RANBP2: variants seen among roughly 807,000 people sequenced by gnomAD.
The protein encoded by RANBP2 is RAN binding protein 2.
Under a neutral mutation model 303.6 loss-of-function variants are expected in RANBP2, and 57 were observed. The observed-to-expected ratio is 0.19, with a 90% CI of 0.15 to 0.23. The LOEUF (loss-of-function observed/expected upper bound fraction) is 0.23. Ranked by LOEUF, RANBP2 falls within the 10% of genes least tolerant of loss-of-function variation. RANBP2 has a pLI of 1.00. For synonymous variants in RANBP2, 1,167 were observed against 1,301.5 expected, an observed-to-expected ratio of 0.90 and a Z score of 2.23; for missense variants, 3,138 against 3,780.8, an observed-to-expected ratio of 0.83 and a Z score of 4.46.
At chr2:109,027,438 C>T in the RANBP2 span, among the ~76,000 whole-genome samples, 1 of 151,994 alleles carries the variant, frequency 6.6e-6, no homozygotes, top group Admixed American at 6.6e-5. Context: ...ATTTTGAAGA[C>T]AAAAGTAACT....
chr2:109,585,357 G>A, the RANBP2 span: 8 of 1,495,312 alleles, frequency 5.4e-6, no homozygotes, highest in Non-Finnish European at 7.3e-6. Flanking sequence ...ATGGTTGCAT[G>A]AATGGCTGAA....
the RANBP2 span, chr2:108,878,425 A>G: frequency 4.6e-6 from 1 of 215,970 alleles, no homozygotes; most frequent in South Asian, 7.9e-5. Flanking sequence ...GTACAGTTCC[A>G]AGAGGAGACA....
chr2:109,675,691 A>G, the RANBP2 span, among the ~76,000 whole-genome samples: 1 of 152,200 alleles, frequency 6.6e-6, no homozygotes, highest in Non-Finnish European at 1.5e-5. Context: ...TCAAAAAATA[A>G]GAAAAAAGCA....
the RANBP2 span, among the ~76,000 whole-genome samples, chr2:109,043,821 G>A: frequency 0.87 from 132,163 of 152,182 alleles, 59,112 homozygotes; most frequent in Non-Finnish European, 0.97. Flanking sequence ...CTGTGTATAA[G>A]CTAAGGCATG....
chr2:109,179,188 C>T, the RANBP2 span, among the ~76,000 whole-genome samples: 5 of 152,056 alleles, frequency 3.3e-5, no homozygotes, highest in African/African-American at 9.7e-5. Flanking sequence ...CTTGCAGCTG[C>T]GTGGAAATTG....
At chr2:109,680,867 G>A in the RANBP2 span, among the ~76,000 whole-genome samples, 1 of 152,160 alleles carries the variant, frequency 6.6e-6, no homozygotes, top group African/African-American at 2.4e-5. Context: ...AGCAAGTGGG[G>A]GCTTTGCTGC....
chr2:109,171,128 C>T, the RANBP2 span, among the ~76,000 whole-genome samples: 76,030 of 152,024 alleles, frequency 0.5, 19,922 homozygotes, highest in South Asian at 0.61. Context: ...TAATCTGCAG[C>T]ACCTAGATCA....
the RANBP2 span, among the ~76,000 whole-genome samples, chr2:108,872,880 C>T: frequency 6.6e-6 from 1 of 152,174 alleles, no homozygotes; most frequent in African/African-American, 2.4e-5. Context: ...TAAATAGCCC[C>T]ACAAGTCTTA....
the RANBP2 span, among the ~76,000 whole-genome samples, chr2:109,659,736 G>A: frequency 9.9e-3 from 1,511 of 152,284 alleles, 16 homozygotes; most frequent in African/African-American, 0.033. Context: ...AGGGGGCCGC[G>A]GGGCCGGGAG....
At chr2:108,856,651 CTAAATT>C in the RANBP2 span, 1 of 707,998 alleles carries the variant, frequency 1.4e-6, no homozygotes, top group Non-Finnish European at 2.3e-6. Context: ...CAGTTAGAAT[CTAAATT>C]TAGACTGTGA....
chr2:108,870,393 A>G, the RANBP2 span, among the ~76,000 whole-genome samples: 5 of 152,342 alleles, frequency 3.3e-5, no homozygotes, highest in South Asian at 1.0e-3. Flanking sequence ...CAGTTGATGC[A>G]TTACTGGAGT....
the RANBP2 span, among the ~76,000 whole-genome samples, chr2:109,435,420 A>C: frequency 6.6e-6 from 1 of 152,036 alleles, no homozygotes; most frequent in Non-Finnish European, 1.5e-5. Flanking sequence ...GCGAAGGCCT[A>C]CTCCTTCCTG....
chr2:109,695,645 G>C, the RANBP2 span, among the ~76,000 whole-genome samples: 2 of 152,122 alleles, frequency 1.3e-5, no homozygotes, highest in African/African-American at 4.8e-5. Flanking sequence ...AATGATTTTT[G>C]CTTCAGCTAT....
chr2:108,984,145 C>T, the RANBP2 span, among the ~76,000 whole-genome samples: 4 of 152,148 alleles, frequency 2.6e-5, no homozygotes, highest in African/African-American at 9.7e-5. Context: ...GTGTTAACGG[C>T]CAAGGGAGCA....
the RANBP2 span, among the ~76,000 whole-genome samples, chr2:108,962,794 C>T: frequency 6.6e-6 from 1 of 152,034 alleles, no homozygotes; most frequent in Non-Finnish European, 1.5e-5. Flanking sequence ...CAAAACCAAC[C>T]GCAGTACCAT....
At chr2:109,361,302 C>G in the RANBP2 span, among the ~76,000 whole-genome samples, 1 of 152,086 alleles carries the variant, frequency 6.6e-6, no homozygotes, top group Admixed American at 6.6e-5. Context: ...ATGGCTTTGT[C>G]TGCTTTGGTA....
chr2:109,427,449 A>G, the RANBP2 span, among the ~76,000 whole-genome samples: 4 of 152,194 alleles, frequency 2.6e-5, no homozygotes. Context: ...ACCCACGAGT[A>G]TCCCACAGGT....
At chr2:109,485,020 A>G in the RANBP2 span, among the ~76,000 whole-genome samples, 1 of 152,246 alleles carries the variant, frequency 6.6e-6, no homozygotes, top group Non-Finnish European at 1.5e-5. Flanking sequence ...TGCTGAAAAT[A>G]GTACGTAACC....
intron 20 of RANBP2, among the ~76,000 whole-genome samples, chr2:108,769,047 A>AG (rs1677311612): frequency 6.6e-6 from 1 of 151,652 alleles, no homozygotes; most frequent in Non-Finnish European, 1.5e-5. Context: ...AAAAAAAAAA[A>AG]CAACGTGATA....
Sources: allele counts gnomAD v4.1 joint callset (sites outside exome capture counted in the v4.1 genomes callset), GRCh38; gene constraint gnomAD v4.1.1; transcripts MANE v1.5; gene names NCBI Gene and HGNC (gene_info 2026-07-23, HGNC 2026-07-21).